The following HS6ST3 variants were observed in gnomAD, a reference collection of about 807,000 sequenced individuals.
The protein encoded by HS6ST3 is heparan-sulfate 6-O-sulfotransferase 3.
A neutral mutation model predicts 36.7 loss-of-function variants in HS6ST3; 12 were observed. The observed-to-expected ratio is 0.33, with a 90% confidence interval of 0.21 to 0.53. HS6ST3 has a LOEUF of 0.53. Ranked by LOEUF, HS6ST3 falls within the 20% of genes least tolerant of loss-of-function variation. The pLI is 0.95. For missense variants in HS6ST3, 584 were observed against 640.9 expected, an observed-to-expected ratio of 0.91 and a Z score of 0.96; for synonymous variants, 240 against 257.5, an observed-to-expected ratio of 0.93 and a Z score of 0.65.
intron 1 of HS6ST3, among the ~76,000 whole-genome samples, chr13:96,437,025 A>T (rs2055646387): frequency 6.6e-6 from 1 of 151,608 alleles, no homozygotes; most frequent in Admixed American, 6.6e-5. Context: ...TCAATGGGGG[A>T]GCATATTTTA....
chr13:96,149,951 AC>A (rs1330774991), intron 1 of HS6ST3, among the ~76,000 whole-genome samples: 1 of 152,202 alleles, frequency 6.6e-6, no homozygotes, highest in African/African-American at 2.4e-5. Context: ...TGGTGGTGTT[AC>A]GGCATCTTTG....
chr13:96,609,578 G>T (rs1262732291), intron 1 of HS6ST3, among the ~76,000 whole-genome samples: 1 of 152,066 alleles, frequency 6.6e-6, no homozygotes, highest in South Asian at 2.1e-4. Flanking sequence ...TTATTGACGA[G>T]GTCTCTGTCA....
intron 1 of HS6ST3, among the ~76,000 whole-genome samples, chr13:96,228,129 T>A (rs1173172510): frequency 2.0e-5 from 3 of 152,352 alleles, no homozygotes; most frequent in Middle Eastern, 3.4e-3. Flanking sequence ...CTGTTGCAGC[T>A]ACTAAATACT....
chr13:96,219,134 C>T (rs574553789), intron 1 of HS6ST3, among the ~76,000 whole-genome samples: 1 of 152,264 alleles, frequency 6.6e-6, no homozygotes, highest in Non-Finnish European at 1.5e-5. Context: ...CAGAGCCACA[C>T]TAACTCCACT....
At chr13:96,815,585 G>A (rs1878404074) in intron 1 of HS6ST3, among the ~76,000 whole-genome samples, 1 of 152,072 alleles carries the variant, frequency 6.6e-6, no homozygotes, top group Admixed American at 6.6e-5. Flanking sequence ...GTCTTCTGAA[G>A]CCTCACCCCT....
chr13:96,160,596 G>C (rs1217285129), intron 1 of HS6ST3, among the ~76,000 whole-genome samples: 1 of 152,110 alleles, frequency 6.6e-6, no homozygotes. Context: ...TTTCTTTCTC[G>C]TGACCCCGAG....
At chr13:96,315,650 C>A (rs1594750963) in intron 1 of HS6ST3, among the ~76,000 whole-genome samples, 3 of 150,280 alleles carry the variant, frequency 2.0e-5, no homozygotes, top group African/African-American at 7.4e-5. Context: ...TTTATTCTGC[C>A]TGTTACCCAA....
chr13:96,835,884 G>A lies in HS6ST3; in HGVS notation c.*2686G>A, dbSNP rs990911666. The stretch of plus-strand genomic sequence containing the variant: ...CCAGGTATCAGGATGTTCAGAGGGA[G>A]CCAGCTCTTTATGTTGGCCCCAGGC... On this transcript the variant is annotated 3_prime_UTR_variant, in exon 2 of 2. Coordinates refer to ENST00000376705, the MANE Select transcript of HS6ST3 (RefSeq NM_153456.4). 1.3e-5 allele frequency: 2 copies of A among 152,158 alleles called. No homozygotes were observed. Among genetic ancestry groups the A allele is most frequent in the African/African-American group, 4.8e-5 (2 of 41,426 alleles). 9.4% of individuals were successfully genotyped at this position (152,158 alleles called of 1,614,324 possible). A position where few individuals can be genotyped will look rare whatever the true frequency, so the allele number is the denominator to read the frequency against.
intron 1 of HS6ST3, among the ~76,000 whole-genome samples, chr13:96,119,654 T>G (rs1185979747): frequency 6.6e-6 from 1 of 152,166 alleles, no homozygotes; most frequent in Non-Finnish European, 1.5e-5. Context: ...CACTTCCTAC[T>G]GTAGAGTATA....
At chr13:96,280,608 A>G (rs2054770971) in intron 1 of HS6ST3, among the ~76,000 whole-genome samples, 1 of 152,202 alleles carries the variant, frequency 6.6e-6, no homozygotes, top group Non-Finnish European at 1.5e-5. Context: ...TTTGTAATCA[A>G]TATAAAATGA....
At chr13:96,647,786 A>T (rs1044918748) in intron 1 of HS6ST3, among the ~76,000 whole-genome samples, 1 of 151,954 alleles carries the variant, frequency 6.6e-6, no homozygotes, top group Non-Finnish European at 1.5e-5. Flanking sequence ...TTCATTTCAC[A>T]GGAAAACATA....
intron 1 of HS6ST3, among the ~76,000 whole-genome samples, chr13:96,781,894 AGTC>A (rs1641661970): frequency 6.6e-6 from 1 of 152,234 alleles, no homozygotes; most frequent in African/African-American, 2.4e-5. Flanking sequence ...CATTGTTATT[AGTC>A]GGTTGTCAAA....
intron 1 of HS6ST3, among the ~76,000 whole-genome samples, chr13:96,174,718 A>G (rs1484486472): frequency 2.6e-5 from 4 of 152,218 alleles, no homozygotes; most frequent in Admixed American, 2.6e-4. Context: ...GAACATTTAC[A>G]ATATTATGAT....
intron 1 of HS6ST3, among the ~76,000 whole-genome samples, chr13:96,731,141 A>G (rs182095598): frequency 3.0e-4 from 46 of 152,340 alleles, no homozygotes; most frequent in Middle Eastern, 6.8e-3. Context: ...ACAATATACC[A>G]TCATTAACTA....
intron 1 of HS6ST3, among the ~76,000 whole-genome samples, chr13:96,578,246 A>G (rs983027070): frequency 2.6e-5 from 4 of 152,240 alleles, no homozygotes; most frequent in Admixed American, 1.3e-4. Flanking sequence ...GTCAGTATCC[A>G]TCCTGAACAG....
At chr13:96,291,793 A>C (rs2054830898) in intron 1 of HS6ST3, among the ~76,000 whole-genome samples, 1 of 152,230 alleles carries the variant, frequency 6.6e-6, no homozygotes, top group Non-Finnish European at 1.5e-5. Context: ...TTATCTAGGC[A>C]GGATTCTATT....
intron 1 of HS6ST3, among the ~76,000 whole-genome samples, chr13:96,127,896 G>A (rs114008750): frequency 1.4e-3 from 212 of 152,294 alleles, no homozygotes; most frequent in African/African-American, 4.6e-3. Flanking sequence ...ATGTAGAGAA[G>A]TAGGAAGAGG....
intron 1 of HS6ST3, among the ~76,000 whole-genome samples, chr13:96,094,828 C>A (rs181963620): frequency 6.6e-6 from 1 of 152,252 alleles, no homozygotes. Flanking sequence ...GGAATTACCT[C>A]TTGTATCATA....
At chr13:96,331,775 C>T (rs1323496298) in intron 1 of HS6ST3, among the ~76,000 whole-genome samples, 3 of 152,046 alleles carry the variant, frequency 2.0e-5, no homozygotes, top group Admixed American at 6.5e-5. Flanking sequence ...CGCCCCTCCC[C>T]CAGCCTCGCT....
Sources: gnomAD v4.1 joint callset for allele counts (sites outside exome capture counted in the v4.1 genomes callset) on GRCh38, gnomAD v4.1.1 for gene constraint, MANE v1.5 for transcripts, NCBI Gene and HGNC (gene_info 2026-07-23, HGNC 2026-07-21) for gene names.